The following GLYAT variants were observed in gnomAD, a reference collection of about 807,000 sequenced individuals.
GLYAT encodes the protein glycine-N-acyltransferase, also known as glycine N-acyltransferase.
Under a neutral mutation model 22.8 loss-of-function variants are expected in GLYAT, and 25 were observed. That is an observed-to-expected ratio of 1.09 (90% CI 0.80 to 1.53). GLYAT has a LOEUF of 1.53. Ranked by LOEUF, GLYAT falls within the 40% of genes most tolerant of loss-of-function variation. The probability of loss-of-function intolerance (pLI) is 0.00; values close to 1 mark genes in which losing one functional copy is unlikely to be tolerated. For synonymous variants in GLYAT, 140 were observed against 122.7 expected (o/e 1.14, Z -0.93); for missense variants, 411 against 353.9 (o/e 1.16, Z -1.29).
intron 2 of GLYAT, among the ~76,000 whole-genome samples, chr11:58,723,698 G>T (rs1856779611): frequency 1.3e-5 from 2 of 151,830 alleles, no homozygotes; most frequent in Non-Finnish European, 2.9e-5. Flanking sequence ...ATATCCATTT[G>T]GTTGCTAAAT....
chr11:58,717,335 G>T (rs1856694335), intron 2 of GLYAT, among the ~76,000 whole-genome samples: 1 of 151,782 alleles, frequency 6.6e-6, no homozygotes, highest in African/African-American at 2.4e-5. Context: ...TAGGGTGAAA[G>T]GGAGAAAAAA....
At chr11:58,726,045 G>A (rs1211788231) in intron 1 of GLYAT, among the ~76,000 whole-genome samples, 3 of 152,150 alleles carry the variant, frequency 2.0e-5, no homozygotes, top group Non-Finnish European at 4.4e-5. Flanking sequence ...TTGTCAGGAA[G>A]CTGCTGATCA....
intron 1 of GLYAT, among the ~76,000 whole-genome samples, chr11:58,730,372 C>T (rs1363039059): frequency 6.6e-6 from 1 of 152,086 alleles, no homozygotes; most frequent in African/African-American, 2.4e-5. Context: ...ACTCAAGAGG[C>T]TAAGGTGGGA....
At chr11:58,724,600 GTT>G (rs10535978) in intron 1 of GLYAT, 89 bp from the exon 2 acceptor site, 268,942 of 445,388 alleles carry the variant, frequency 0.6, 70,735 homozygotes, top group African/African-American at 0.82. Flanking sequence ...TAATGACCAG[GTT>G]TTTTTTTTTT....
chr11:58,712,172 A>G (rs539266853), intron 4 of GLYAT, among the ~76,000 whole-genome samples: 6 of 152,374 alleles, frequency 3.9e-5, no homozygotes, highest in African/African-American at 1.4e-4. Context: ...TGCAGCAAAC[A>G]TTAACTAATA....
At chr11:58,728,801 TGAG>T (rs1565060875) in intron 1 of GLYAT, 1 of 112,542 alleles carries the variant, frequency 8.9e-6, no homozygotes, top group East Asian at 2.5e-4. Flanking sequence ...AACAGAGAGA[TGAG>T]AGAGAGAGAG....
rs893602774 is a variant in GLYAT at position 58,709,701 on chromosome 11, C to T, written c.*65G>A. The T allele has an allele frequency of 2.3e-5, 35 of 1,492,172 alleles. 1 individual carries two copies. In the East Asian group the frequency reaches 7.5e-4, roughly 32 times the overall value. The allele number at this position is 1,492,172 out of a possible 1,614,324, so 92.4% of individuals were successfully genotyped here. A position where few individuals can be genotyped will look rare whatever the true frequency, so the allele number is the denominator to read the frequency against. On this transcript the variant is annotated 3_prime_UTR_variant, in exon 6 of 6. Transcript: ENST00000344743. ...TTACAATTTATTATTTCTTTTCATC[C>T]ACCATCCACTCCTCAAATTATACGC...
In GLYAT at chr11:58,715,340, T is replaced by A. The variant is rs753205455; in HGVS notation, c.165A>T (p.Thr55=). The A allele has an allele frequency of 6.4e-7, 1 of 1,563,390 alleles. No individual in the cohort carries two copies. The highest frequency in any genetic ancestry group is 1.7e-4 in the Middle Eastern group (1 of 5,964). ...AVVDKWPDFN[T]VVVCPQEQDM... Reference sequence around the variant, plus strand: ...CCTGCTCCTGAGGGCAGACAACCACTGTATTAAAATCAGGCCACTTGTCCA... The same window carrying A: ...CCTGCTCCTGAGGGCAGACAACCACAGTATTAAAATCAGGCCACTTGTCCA... Residue 55 remains threonine, a synonymous_variant, in exon 3 of 6, where the codon ACA becomes ACT. Transcript: ENST00000344743.
chr11:58,711,889 G>A (rs1856620667), intron 4 of GLYAT, among the ~76,000 whole-genome samples: 1 of 152,222 alleles, frequency 6.6e-6, no homozygotes, highest in Non-Finnish European at 1.5e-5. Context: ...TCCTGGTTAA[G>A]ACCAATTATG....
At chr11:58,710,502 G>A in intron 5 of GLYAT, 88 bp downstream of exon 5, 3 of 994,208 alleles carry the variant, frequency 3.0e-6, no homozygotes, top group Non-Finnish European at 4.8e-6. Context: ...AACATTGATT[G>A]TAGGAAAGCC....
chr11:58,727,815 A>G (rs566503458), intron 1 of GLYAT, among the ~76,000 whole-genome samples: 1 of 152,254 alleles, frequency 6.6e-6, no homozygotes, highest in South Asian at 2.1e-4. Flanking sequence ...CATGCATACA[A>G]TTCCAGTAAA....
At chr11:58,725,302 A>G (rs1329346859) in intron 1 of GLYAT, among the ~76,000 whole-genome samples, 1 of 152,158 alleles carries the variant, frequency 6.6e-6, no homozygotes, top group African/African-American at 2.4e-5. Flanking sequence ...ATTTTTACAT[A>G]TTTGACTAGC....
chr11:58,718,714 A>T (rs1856713294), intron 2 of GLYAT, among the ~76,000 whole-genome samples: 1 of 151,894 alleles, frequency 6.6e-6, no homozygotes, highest in Non-Finnish European at 1.5e-5. Context: ...ACCCACATTT[A>T]AGAGCACCTG....
intron 2 of GLYAT, among the ~76,000 whole-genome samples, chr11:58,721,959 C>T (rs1313776847): frequency 6.6e-6 from 1 of 152,008 alleles, no homozygotes; most frequent in Non-Finnish European, 1.5e-5. Flanking sequence ...GATTTCTGAG[C>T]ACCGTAAGTG....
At chr11:58,710,496 T>G in intron 5 of GLYAT, 94 bp downstream of exon 5, 1 of 964,582 alleles carries the variant, frequency 1.0e-6, no homozygotes, top group Non-Finnish European at 1.6e-6. Flanking sequence ...TTGTACAACA[T>G]TGATTGTAGG....
chr11:58,730,401 T>C (rs1856860235), intron 1 of GLYAT, among the ~76,000 whole-genome samples: 1 of 152,160 alleles, frequency 6.6e-6, no homozygotes, highest in Admixed American at 6.6e-5. Context: ...ATAGTTTTCA[T>C]CATGCCATGC....
Position 58,731,936 on chromosome 11 carries a change from C to T in GLYAT, c.-117G>A, listed in dbSNP as rs746779327. The T allele has an allele frequency of 1.3e-5, 2 of 152,216 alleles. No individual in the cohort carries two copies. Among genetic ancestry groups the T allele is most frequent in the Non-Finnish European group, 1.5e-5 (1 of 68,014 alleles). 9.4% of individuals were successfully genotyped at this position (152,216 alleles called of 1,614,324 possible). On this transcript the variant is annotated 5_prime_UTR_variant, in exon 1 of 6. Transcript: ENST00000344743. ...TGATGCAGCCAGTTCAGCAGAGTCT[C>T]GCAGAGTAAATTTTGATACACCACC...
intron 2 of GLYAT, among the ~76,000 whole-genome samples, chr11:58,718,060 A>G (rs569183917): frequency 9.7e-4 from 147 of 152,028 alleles, no homozygotes; most frequent in Non-Finnish European, 1.6e-3. Flanking sequence ...CTGTGTACAC[A>G]AAATATATGG....
chr11:58,716,809 G>T (rs570904721), intron 2 of GLYAT, among the ~76,000 whole-genome samples: 1 of 152,226 alleles, frequency 6.6e-6, no homozygotes, highest in South Asian at 2.1e-4. Context: ...GACGACACAT[G>T]CCCAAGGTGG....
Sources: gnomAD v4.1 joint callset for allele counts (sites outside exome capture counted in the v4.1 genomes callset) on GRCh38, gnomAD v4.1.1 for gene constraint, MANE v1.5 for transcripts, NCBI Gene and HGNC (gene_info 2026-07-23, HGNC 2026-07-21) for gene names.